Variants in NCK2 observed in about 807,000 individuals in gnomAD.
NCK2 encodes the protein cytoplasmic protein NCK2.
In NCK2, 16 loss-of-function variants were observed where a neutral mutation model predicts 33.9. That is an observed-to-expected ratio of 0.47 (90% CI 0.32 to 0.72). The LOEUF (loss-of-function observed/expected upper bound fraction) is 0.72. Ranked by LOEUF, NCK2 falls within the 30% of genes least tolerant of loss-of-function variation. The pLI, the probability that NCK2 is intolerant of heterozygous loss-of-function variation, is 0.03. For missense variants in NCK2, 418 were observed against 537.3 expected, an observed-to-expected ratio of 0.78 and a Z score of 2.19; for synonymous variants, 273 against 239.9, an observed-to-expected ratio of 1.14 and a Z score of -1.27.
chr2:105,818,098 A>G (rs1414267134), intron 2 of NCK2, among the ~76,000 whole-genome samples: 1 of 152,124 alleles, frequency 6.6e-6, no homozygotes, highest in Non-Finnish European at 1.5e-5. Flanking sequence ...CTATGCAGCC[A>G]TAAAAAGTGA....
intron 1 of NCK2, among the ~76,000 whole-genome samples, chr2:105,794,775 G>C (rs1235519938): frequency 6.6e-6 from 1 of 151,748 alleles, no homozygotes; most frequent in Non-Finnish European, 1.5e-5. Flanking sequence ...CAGTGGTGCA[G>C]TCTTGGCTCA....
At chr2:105,835,423 A>ACGTATATATATATATATT (rs1676389657) in intron 2 of NCK2, among the ~76,000 whole-genome samples, 3 of 102,110 alleles carry the variant, frequency 2.9e-5, no homozygotes, top group African/African-American at 1.2e-4. Flanking sequence ...ATATATATAT[A>ACGTATATATATATATATT]TTTTTTTTTT....
chr2:105,865,251 C>T (rs544459991), intron 3 of NCK2, among the ~76,000 whole-genome samples: 31 of 152,220 alleles, frequency 2.0e-4, no homozygotes, highest in East Asian at 3.9e-4. Context: ...GCCAGGTGCC[C>T]GAATATGTTT....
At chr2:105,791,098 G>T (rs181250613) in intron 1 of NCK2, among the ~76,000 whole-genome samples, 2 of 152,196 alleles carry the variant, frequency 1.3e-5, no homozygotes, top group African/African-American at 4.8e-5. Context: ...GGTACTGTAT[G>T]TGGGAGCCAC....
intron 3 of NCK2, among the ~76,000 whole-genome samples, chr2:105,866,416 TA>T (rs1424481535): frequency 1.3e-5 from 2 of 152,200 alleles, no homozygotes; most frequent in African/African-American, 4.8e-5. Flanking sequence ...AGTTCATCTG[TA>T]ACAGCAGTCC....
intron 2 of NCK2, among the ~76,000 whole-genome samples, chr2:105,819,975 G>T (rs1194237915): frequency 6.6e-6 from 1 of 152,162 alleles, no homozygotes; most frequent in Non-Finnish European, 1.5e-5. Context: ...CTTTCAGGAT[G>T]GGACCCTGAC....
chr2:105,752,777 G>GT lies in NCK2; in HGVS notation c.-201+7646dup, dbSNP rs1047465185. Among the ~76,000 whole-genome samples, 12 of 152,210 alleles carry GT rather than the reference G, an allele frequency of 7.9e-5. No homozygotes were observed. In the South Asian group the frequency reaches 1.7e-3, roughly 21 times the overall value. ...TTGCTGCAAAAGATATGATTTCATT[G>GT]TTTTTTTATGGCTGAATAGTCTATT... On this transcript the variant is annotated intron_variant, in intron 1 of 4. Coordinates refer to ENST00000233154, the MANE Select transcript of NCK2 (RefSeq NM_003581.5).
At chr2:105,826,903 T>C (rs1199653436) in intron 2 of NCK2, among the ~76,000 whole-genome samples, 1 of 152,182 alleles carries the variant, frequency 6.6e-6, no homozygotes, top group Non-Finnish European at 1.5e-5. Flanking sequence ...GCAGAAATTG[T>C]TATATTAATA....
In NCK2 at chr2:105,812,968, G is replaced by A. The variant is rs1484584902; in HGVS notation, c.-200-3462G>A. Among the ~76,000 whole-genome samples the A allele has an allele frequency of 2.6e-5, 4 of 152,192 alleles. No individual in the cohort carries two copies. In the South Asian group the frequency reaches 6.2e-4, roughly 24 times the overall value. On this transcript the variant is annotated intron_variant, in intron 1 of 4. Transcript: ENST00000233154. ...AGGTTGGAGCCGGCCACCCAGGGTGGCAGATACCCCAGACAGATGGCATCA... is the reference window on the plus strand; with the variant it reads ...AGGTTGGAGCCGGCCACCCAGGGTGACAGATACCCCAGACAGATGGCATCA...
chr2:105,754,517 A>G (rs1417172013), intron 1 of NCK2, among the ~76,000 whole-genome samples: 1 of 152,206 alleles, frequency 6.6e-6, no homozygotes, highest in African/African-American at 2.4e-5. Flanking sequence ...GAGCCTGGCT[A>G]CAGGAGAGGA....
intron 2 of NCK2, among the ~76,000 whole-genome samples, chr2:105,837,204 C>T (rs1191546543): frequency 1.3e-5 from 2 of 152,058 alleles, no homozygotes; most frequent in African/African-American, 2.4e-5. Flanking sequence ...TGTTTTAGTT[C>T]TTTGTGGATG....
chr2:105,764,469 T>C (rs1689869580), intron 1 of NCK2, among the ~76,000 whole-genome samples: 1 of 152,196 alleles, frequency 6.6e-6, no homozygotes, highest in African/African-American at 2.4e-5. Flanking sequence ...CAAAGCTGCC[T>C]CAAAACCTGA....
intron 1 of NCK2, among the ~76,000 whole-genome samples, chr2:105,788,550 A>G (rs1277956868): frequency 6.6e-6 from 1 of 152,170 alleles, no homozygotes; most frequent in Non-Finnish European, 1.5e-5. Context: ...TTTGATATTT[A>G]ACATATCTAT....
chr2:105,834,062 C>T (rs1346679520), intron 2 of NCK2, among the ~76,000 whole-genome samples: 1 of 152,224 alleles, frequency 6.6e-6, no homozygotes, highest in Non-Finnish European at 1.5e-5. Context: ...ACCAAACATA[C>T]TGTAAATCCT....
intron 2 of NCK2, among the ~76,000 whole-genome samples, chr2:105,828,259 A>G (rs1382134707): frequency 6.6e-6 from 1 of 152,200 alleles, no homozygotes; most frequent in Non-Finnish European, 1.5e-5. Flanking sequence ...AGAATTGGGC[A>G]CCGTTCAAGA....
At chr2:105,780,652 T>A (rs867158184) in intron 1 of NCK2, among the ~76,000 whole-genome samples, 10 of 152,302 alleles carry the variant, frequency 6.6e-5, no homozygotes, top group Middle Eastern at 3.4e-3. Flanking sequence ...TATGTTGAGA[T>A]CCTACCCCCC....
chr2:105,880,332 T>A (rs1045720691), intron 3 of NCK2, among the ~76,000 whole-genome samples: 1 of 152,222 alleles, frequency 6.6e-6, no homozygotes, highest in African/African-American at 2.4e-5. Flanking sequence ...ATGAAAAAAT[T>A]TGCCTTCGAT....
intron 2 of NCK2, among the ~76,000 whole-genome samples, chr2:105,820,594 C>T (rs758526232): frequency 1.3e-5 from 2 of 152,142 alleles, no homozygotes; most frequent in Non-Finnish European, 2.9e-5. Context: ...TTTGGGGGAG[C>T]GGAGACCATA....
At chr2:105,752,252 A>G (rs995526380) in intron 1 of NCK2, among the ~76,000 whole-genome samples, 5 of 152,234 alleles carry the variant, frequency 3.3e-5, no homozygotes, top group East Asian at 3.8e-4. Flanking sequence ...AAGTGGAAAC[A>G]ATGTAGAATA....
Sources: allele counts gnomAD v4.1 joint callset (sites outside exome capture counted in the v4.1 genomes callset), GRCh38; gene constraint gnomAD v4.1.1; transcripts MANE v1.5; gene names NCBI Gene and HGNC (gene_info 2026-07-23, HGNC 2026-07-21).